The following MCFD2 variants were observed in gnomAD, a reference collection of about 807,000 sequenced individuals.
The protein encoded by MCFD2 is multiple coagulation factor deficiency 2, ER cargo receptor complex subunit.
A neutral mutation model predicts 12.8 loss-of-function variants in MCFD2; 11 were observed. The ratio of observed to expected loss-of-function variants is 0.86; its 90% confidence interval spans 0.54 to 1.42. The LOEUF is 1.42. Among genes scored for constraint, MCFD2 ranks in the 40% most tolerant of loss-of-function variants. The probability of loss-of-function intolerance (pLI) is 0.00; values close to 1 mark genes in which losing one functional copy is unlikely to be tolerated. For synonymous variants in MCFD2, 70 were observed against 68.1 expected, an observed-to-expected ratio of 1.03 and a Z score of -0.14; for missense variants, 191 against 178.6, an observed-to-expected ratio of 1.07 and a Z score of -0.40.
rs1670054384 is a variant in MCFD2, at chr2:46,937,782, G to A, written c.-8+3790C>T. On this transcript the variant is annotated intron_variant, in intron 1 of 2. Transcript: ENST00000409147. This position sits in a 1 kb window ranked among gnomAD's most constrained non-coding sequence, Gnocchi z 4.0. ...CATGGATTGCATAGGAAGCTGAAGG[G>A]GTTTGGGGAAGCTGTGAACGTTAGT... is the stretch of plus-strand genomic sequence containing the variant. Among the ~76,000 whole-genome samples, 1 of 152,204 alleles carries A rather than the reference G, an allele frequency of 6.6e-6. No individual in the cohort carries two copies. Among genetic ancestry groups the A allele is most frequent in the African/African-American group, 2.4e-5 (1 of 41,438 alleles).
In MCFD2 at chr2:46,904,453, C is replaced by A. The variant is rs138758588; in HGVS notation, c.*1010G>T. On this transcript the variant is annotated 3_prime_UTR_variant, in exon 4 of 4. Transcript: ENST00000319466. The stretch of plus-strand genomic sequence containing the variant: ...CAGCCAGGAGGGAGGCTGTACCCTA[C>A]AAAGCCACAGGGGCAGAGCTGCCCA... 2,892 of 152,584 alleles carry A rather than the reference C, an allele frequency of 0.019. 101 individuals carry two copies. The highest frequency in any genetic ancestry group is 0.065 in the African/African-American group (2,685 of 41,578). 9.5% of individuals were successfully genotyped at this position (152,584 alleles called of 1,614,324 possible). A position where few individuals can be genotyped will look rare whatever the true frequency, so the allele number is the denominator to read the frequency against.
intron 1 of MCFD2, among the ~76,000 whole-genome samples, chr2:46,930,164 A>C (rs143570267): frequency 6.6e-6 from 1 of 152,338 alleles, no homozygotes; most frequent in East Asian, 1.9e-4. Context: ...TAATAAAGAT[A>C]ACAAAATTAA....
chr2:46,915,606 G>T, intron 1 of MCFD2, 117 bp downstream of exon 1: 1 of 235,286 alleles, frequency 4.3e-6, no homozygotes, highest in Non-Finnish European at 6.9e-6. Context: ...GAGACGGCCT[G>T]GGGGCCCAGC....
intron 1 of MCFD2, among the ~76,000 whole-genome samples, chr2:46,936,539 G>T (rs1267670737): frequency 6.6e-6 from 1 of 152,172 alleles, no homozygotes; most frequent in Non-Finnish European, 1.5e-5. Context: ...TGAGCCACAG[G>T]ATACACAAGC....
At chr2:46,930,436 A>AG (rs916915058) in intron 1 of MCFD2, among the ~76,000 whole-genome samples, 1 of 110,194 alleles carries the variant, frequency 9.1e-6, no homozygotes, top group African/African-American at 3.6e-5. Flanking sequence ...TATTCCTAGG[A>AG]AAAAAAAAAA....
intron 1 of MCFD2, among the ~76,000 whole-genome samples, chr2:46,921,111 A>G (rs1158167569): frequency 6.6e-6 from 1 of 152,218 alleles, no homozygotes; most frequent in African/African-American, 2.4e-5. Context: ...GGAACAAAGC[A>G]AGGATGTCCA....
At chr2:46,927,585 C>T (rs1384102138) in intron 1 of MCFD2, among the ~76,000 whole-genome samples, 1 of 151,936 alleles carries the variant, frequency 6.6e-6, no homozygotes, top group Non-Finnish European at 1.5e-5. Flanking sequence ...TGGTCTCAAT[C>T]TCCTGACCTC....
chr2:46,938,551 T>A (rs1008482619), intron 1 of MCFD2, among the ~76,000 whole-genome samples: 3 of 152,208 alleles, frequency 2.0e-5, no homozygotes, highest in Non-Finnish European at 4.4e-5. Flanking sequence ...TCCTGAGGAT[T>A]TTTTTCCTTC....
intron 1 of MCFD2, chr2:46,912,741 C>T (rs1668536592): frequency 6.6e-6 from 1 of 152,080 alleles, no homozygotes; most frequent in Non-Finnish European, 1.5e-5. Flanking sequence ...TGTCAGTGCC[C>T]CTTGCTGGAT....
chr2:46,930,666 AT>A (rs1669650975), intron 1 of MCFD2, among the ~76,000 whole-genome samples: 1 of 151,886 alleles, frequency 6.6e-6, no homozygotes, highest in Admixed American at 6.6e-5. Flanking sequence ...CGTGCAGCTA[AT>A]TTTTGTATTT....
chr2:46,915,759 C>G lies in MCFD2; in HGVS notation c.-43G>C. On this transcript the variant is annotated 5_prime_UTR_variant, in exon 1 of 4. Transcript: ENST00000319466. ...CCGAAGCAGACGCGAAGCCCTCCAA[C>G]GTGAGCCTCACCAGCCCCCGTCCCC... The G allele has an allele frequency of 1.0e-6, 1 of 978,442 alleles. No homozygotes were observed. Among genetic ancestry groups the G allele is most frequent in the Non-Finnish European group, 1.2e-6 (1 of 824,562 alleles). 60.6% of individuals were successfully genotyped at this position (978,442 alleles called of 1,614,324 possible).
chr2:46,916,218 G>T (rs1668782012), upstream of MCFD2: 1 of 952,342 alleles, frequency 1.1e-6, no homozygotes, highest in Admixed American at 6.2e-5. Flanking sequence ...TGGGAAGAAA[G>T]ATAATAGGAA....
At chr2:46,912,973 CTATGTGATTGGATGCTTAG>C (rs1032471420) in intron 1 of MCFD2, among the ~76,000 whole-genome samples, 59 of 152,194 alleles carry the variant, frequency 3.9e-4, no homozygotes, top group Non-Finnish European at 6.6e-4. Flanking sequence ...TTTCCTCCAA[CTATGTGATTGGATGCTTAG>C]TATATCAATT....
At chr2:46,930,143 G>A (rs1254621404) in intron 1 of MCFD2, among the ~76,000 whole-genome samples, 1 of 152,076 alleles carries the variant, frequency 6.6e-6, no homozygotes, top group African/African-American at 2.4e-5. Context: ...AATACAATAA[G>A]ATAAATGAAA....
chr2:46,913,371 G>GA (rs1477109927), intron 1 of MCFD2, among the ~76,000 whole-genome samples: 3 of 151,936 alleles, frequency 2.0e-5, no homozygotes, highest in African/African-American at 7.3e-5. Context: ...AACATGGTGA[G>GA]ACTCCCTCTC....
At chr2:46,930,010 A>C (rs1299986216) in intron 1 of MCFD2, among the ~76,000 whole-genome samples, 1 of 152,196 alleles carries the variant, frequency 6.6e-6, no homozygotes, top group Non-Finnish European at 1.5e-5. Context: ...AGCTGGGTGG[A>C]ATAGGTGGCA....
At position 46,905,310 on chromosome 2, in the gene MCFD2, T is replaced by C; in HGVS notation, c.*153A>G. On this transcript the variant is annotated 3_prime_UTR_variant, in exon 4 of 4. Coordinates refer to ENST00000319466, the MANE Select transcript of MCFD2 (RefSeq NM_139279.6). ...CATTTCTCTTCTCTTTCATTTCTCT[T>C]ATCTCTTCTCACCCCAGTGTAACGA... The C allele has an allele frequency of 1.3e-6, 1 of 787,982 alleles. No homozygotes were observed. Among genetic ancestry groups the C allele is most frequent in the South Asian group, 1.4e-5 (1 of 70,546 alleles). The allele number at this position is 787,982 out of a possible 1,614,324, so 48.8% of individuals were successfully genotyped here. A position where few individuals can be genotyped will look rare whatever the true frequency, so the allele number is the denominator to read the frequency against.
intron 1 of MCFD2, among the ~76,000 whole-genome samples, chr2:46,931,692 T>TAATAAATAAATAAATAAATA (rs10524721): frequency 2.5e-4 from 37 of 148,642 alleles, no homozygotes; most frequent in African/African-American, 7.0e-4. Flanking sequence ...AAACAGACAA[T>TAATAAATAAATAAATAAATA]AATAAATAAA....
At chr2:46,916,322 T>C (rs978140428), upstream of MCFD2, 2 of 313,260 alleles carry the variant, frequency 6.4e-6, no homozygotes, top group Non-Finnish European at 9.3e-6. Flanking sequence ...GTCTGCCAGC[T>C]CCACTGCACA....
Sources: allele counts gnomAD v4.1 joint callset (sites outside exome capture counted in the v4.1 genomes callset), GRCh38; gene constraint gnomAD v4.1.1; non-coding constraint Gnocchi (gnomAD v3.1); transcripts MANE v1.5; gene names NCBI Gene and HGNC (gene_info 2026-07-23, HGNC 2026-07-21).